RGL4: variants seen among roughly 807,000 people sequenced by gnomAD.
RGL4 encodes the protein ral-GDS-related protein.
RGL4 carries 41 observed loss-of-function variants against 49.6 expected under a neutral mutation model. The observed-to-expected ratio is 0.83, with a 90% CI of 0.64 to 1.07. RGL4 has a LOEUF of 1.07. RGL4 is among the 50% of genes least tolerant of loss of function. RGL4 has a pLI of 0.00. For synonymous variants in RGL4, 255 were observed against 238.0 expected, an observed-to-expected ratio of 1.07 and a Z score of -0.66; for missense variants, 610 against 591.9, an observed-to-expected ratio of 1.03 and a Z score of -0.32.
At chr22:23,692,279 G>C in intron 1 of RGL4, 56 bp from the exon 2 acceptor site, 1 of 1,608,578 alleles carries the variant, frequency 6.2e-7, no homozygotes, top group Non-Finnish European at 8.5e-7. Context: ...GGGTGCCCTG[G>C]AGGGTTGTGT....
rs374800672 is a variant in RGL4, at chr22:23,693,962, C to G, written c.900C>G (p.Ile300Met). Residue 300 changes from isoleucine to methionine, a missense_variant, in exon 4 of 11, where the codon ATC (isoleucine) becomes ATG (methionine). Transcript: ENST00000290691. Reference sequence around the variant, plus strand: ...GGGCCAGGGTGGTGGAGCACTGGATCAAGGTGGCCAGGGTAAGCTATGGTT... The same window carrying G: ...GGGCCAGGGTGGTGGAGCACTGGATGAAGGTGGCCAGGGTAAGCTATGGTT... The part of the protein sequence containing the change: ...RDRARVVEHW[I>M]KVARECLSLN... 6.8e-5 allele frequency: 110 copies of G among 1,613,492 alleles called. 1 individual carries two copies. The Admixed American group carries it at 1.1e-3, about 16-fold the overall frequency.
At position 23,692,502 on chromosome 22, in the gene RGL4, C is replaced by T. The variant is rs781162072; in HGVS notation, c.347C>T (p.Pro116Leu). Reference sequence around the variant, plus strand: ...ATTGTCCTAGGCCAGTTGGTGCTTCCGGAGCCCAACGAGGCCAAGCCAGAT... The same window carrying T: ...ATTGTCCTAGGCCAGTTGGTGCTTCTGGAGCCCAACGAGGCCAAGCCAGAT... ...QEIVLGQLVL[P>L]EPNEAKPDDP... The change falls in exon 2 of 11, where the codon CCG (proline) becomes CTG (leucine). Residue 116 changes from proline to leucine, a missense_variant. Pro to Leu is a moderately conservative substitution (Grantham distance 98). Transcript: ENST00000290691. The T allele has an allele frequency of 1.1e-5, 17 of 1,613,874 alleles. No homozygotes were observed. The highest frequency in any genetic ancestry group is 1.6e-4 in the Middle Eastern group (1 of 6,084).
intron 6 of RGL4, chr22:23,695,433 A>G: frequency 2.2e-6 from 1 of 461,456 alleles, no homozygotes. Flanking sequence ...TCAGGAAGCC[A>G]GGCCTCTGCT....
chr22:23,695,773 G>A (rs183748613), intron 6 of RGL4, among the ~76,000 whole-genome samples: 2 of 152,290 alleles, frequency 1.3e-5, no homozygotes, highest in East Asian at 3.9e-4. Flanking sequence ...TCTCAGAATC[G>A]TCCATGCAAA....
In RGL4 at chr22:23,697,155, C is replaced by A. The variant is rs528991295; in HGVS notation, c.1162-16C>A. ...CACCACTACCCCTCCCACCTCCCCA[C>A]CCCTCCTTGGCACAGGGTGTGGTCC... On this transcript the variant is annotated splice_polypyrimidine_tract_variant and intron_variant, in intron 7 of 10. Coordinates refer to ENST00000290691, the MANE Select transcript of RGL4 (RefSeq NM_153615.2). 13 of 1,601,464 alleles carry A rather than the reference C, an allele frequency of 8.1e-6. No homozygotes were observed. Among genetic ancestry groups the A allele is most frequent in the Non-Finnish European group, 1.1e-5 (13 of 1,170,438 alleles).
In RGL4 at chr22:23,698,949, A is replaced by G. The variant is rs747212173; in HGVS notation, c.*66A>G. On this transcript the variant is annotated 3_prime_UTR_variant, in exon 11 of 11. Coordinates refer to ENST00000290691, the MANE Select transcript of RGL4 (RefSeq NM_153615.2). Reference sequence around the variant, plus strand: ...CTGGCCAGAACACCGGCTCTGCACCATCCCTCACCCAGACCGTAGACACCA... The same window carrying G: ...CTGGCCAGAACACCGGCTCTGCACCGTCCCTCACCCAGACCGTAGACACCA... 1.0e-5 allele frequency: 16 copies of G among 1,591,732 alleles called. No homozygotes were observed. The South Asian group carries it at 1.5e-4, about 15-fold the overall frequency.
intron 6 of RGL4, among the ~76,000 whole-genome samples, chr22:23,696,022 CCT>C (rs1372519690): frequency 1.3e-5 from 2 of 152,310 alleles, no homozygotes; most frequent in South Asian, 2.1e-4. Context: ...CCTAAAATGC[CCT>C]GTCCCTTTCC....
At position 23,692,402 on chromosome 22, in the gene RGL4, C is replaced by A. The variant is rs777521506; in HGVS notation, c.247C>A (p.Arg83=). ...NTSVYYQPPQ[R]SSFRIKLAFR... ...TTCAGTTTACTATCAGCCCCCGCAACGGTCATCTTTCCGGATAAAGCTGGC... is the reference window on the plus strand; with the variant it reads ...TTCAGTTTACTATCAGCCCCCGCAAAGGTCATCTTTCCGGATAAAGCTGGC... The change falls in exon 2 of 11, where the codon CGG becomes AGG. Residue 83 remains arginine (R), a synonymous_variant. Coordinates refer to ENST00000290691, the MANE Select transcript of RGL4 (RefSeq NM_153615.2). 6.2e-7 allele frequency: 1 copy of A among 1,614,234 alleles called. No homozygotes were observed.
intron 6 of RGL4, 140 bp downstream of exon 6, chr22:23,695,159 C>A: frequency 1.6e-6 from 1 of 625,490 alleles, no homozygotes. Flanking sequence ...TTGAAAAATT[C>A]CCTCCATGCC....
Position 23,692,082 on chromosome 22 carries a change from G to C in RGL4, c.52G>C (p.Val18Leu). 1 of 1,614,124 alleles carries C rather than the reference G, an allele frequency of 6.2e-7. No homozygotes were observed. The highest frequency in any genetic ancestry group is 8.5e-7 in the Non-Finnish European group (1 of 1,179,990). The part of the protein sequence containing the change: ...LPAAAVLSAQ[V>L]YSAVLQGLWE... Reference sequence around the variant, plus strand: ...TGCAGCTGCAGTCTTGAGTGCCCAGGTGTACAGTGCTGTGCTCCAGGGCCT... The same window carrying C: ...TGCAGCTGCAGTCTTGAGTGCCCAGCTGTACAGTGCTGTGCTCCAGGGCCT... Residue 18 changes from valine to leucine, a missense_variant, in exon 1 of 11, where the codon GTG becomes CTG. Val to Leu is a conservative substitution (Grantham distance 32). Transcript: ENST00000290691.
chr22:23,693,860 C>T lies in RGL4; in HGVS notation c.798C>T (p.Thr266=), dbSNP rs778203297. ...NEHMAPTVRA[T]IAHFNRLTNC... ...ACATGGCACCCACAGTTCGTGCCAC[C>T]ATCGCACACTTCAACAGGCTCACCA... The change falls in exon 4 of 11, where the codon ACC becomes ACT. Residue 266 remains threonine, a synonymous_variant. Coordinates refer to ENST00000290691, the MANE Select transcript of RGL4 (RefSeq NM_153615.2). 2 of 1,614,048 alleles carry T rather than the reference C, an allele frequency of 1.2e-6. No individual in the cohort carries two copies. The highest frequency in any genetic ancestry group is 2.2e-5 in the South Asian group (2 of 91,086).
At position 23,696,701 on chromosome 22, in the gene RGL4, G is replaced by A. The variant is rs1455814099; in HGVS notation, c.1161+13G>A. Reference sequence around the variant, plus strand: ...GAGGCAGAAGAAGGTGAGTGAGCCTGTGGCATGGACGGGCCGCAGGGGATC... The same window carrying A: ...GAGGCAGAAGAAGGTGAGTGAGCCTATGGCATGGACGGGCCGCAGGGGATC... On this transcript the variant is annotated intron_variant, in intron 7 of 10. Transcript: ENST00000290691. The A allele has an allele frequency of 6.2e-7, 1 of 1,610,866 alleles. No individual in the cohort carries two copies. Among genetic ancestry groups the A allele is most frequent in the African/African-American group, 1.3e-5 (1 of 74,868 alleles).
At position 23,696,592 on chromosome 22, in the gene RGL4, C is replaced by A. The variant is rs562873560; in HGVS notation, c.1087-22C>A. 12 of 1,613,590 alleles carry A rather than the reference C, an allele frequency of 7.4e-6. No individual in the cohort carries two copies. The Admixed American group carries it at 1.8e-4, about 25-fold the overall frequency. On this transcript the variant is annotated intron_variant, in intron 6 of 10. Transcript: ENST00000290691. ...GGGGAGAGGAGGAGAGCCTCACTGT[C>A]CCTGTCGCTGACACCTGGCAGGCGG...
intron 10 of RGL4, 170 bp from the exon 11 acceptor site, chr22:23,698,674 A>C (rs1185832536): frequency 2.3e-6 from 2 of 869,596 alleles, no homozygotes; most frequent in Admixed American, 2.2e-5. Flanking sequence ...GGCCTAGAGG[A>C]GGCTCTCCCG....
chr22:23,692,398 G>A lies in RGL4; in HGVS notation c.243G>A (p.Pro81=), dbSNP rs141395325. 107 of 1,614,156 alleles carry A rather than the reference G, an allele frequency of 6.6e-5. No individual in the cohort carries two copies. Among genetic ancestry groups the A allele is most frequent in the Middle Eastern group, 4.9e-4 (3 of 6,062 alleles). ...PENTSVYYQP[P]QRSSFRIKLA... is the part of the protein sequence containing the mutation. ...ACACTTCAGTTTACTATCAGCCCCC[G>A]CAACGGTCATCTTTCCGGATAAAGC... Residue 81 remains proline (P), a synonymous_variant, in exon 2 of 11, where the codon CCG becomes CCA. Coordinates refer to ENST00000290691, the MANE Select transcript of RGL4 (RefSeq NM_153615.2).
rs763417499 is a variant in RGL4 at position 23,692,787 on chromosome 22, A to T, written c.492A>T (p.Pro164=). Residue 164 remains proline, a synonymous_variant, in exon 3 of 11, where the codon CCA becomes CCT. Transcript: ENST00000290691. ...LEPESPAALG[P]PGYLHSAPGP... Reference sequence around the variant, plus strand: ...CAGAGTCACCTGCAGCCCTGGGTCCACCAGGATATCTACATTCAGCACCAG... The same window carrying T: ...CAGAGTCACCTGCAGCCCTGGGTCCTCCAGGATATCTACATTCAGCACCAG... The T allele has an allele frequency of 6.3e-5, 101 of 1,613,412 alleles. No homozygotes were observed. The highest frequency in any genetic ancestry group is 7.8e-5 in the Non-Finnish European group (92 of 1,180,000).
chr22:23,696,804 T>TCCTGTGGC, intron 7 of RGL4, 116 bp downstream of exon 7: 1 of 883,098 alleles, frequency 1.1e-6, no homozygotes, highest in Non-Finnish European at 1.7e-6. Context: ...AGCCCTGTCC[T>TCCTGTGGC]CCTGTGGCCA....
chr22:23,692,642 G>A, intron 2 of RGL4, 27 bp from the exon 3 acceptor site: 1 of 1,577,634 alleles, frequency 6.3e-7, no homozygotes, highest in Non-Finnish European at 8.6e-7. Flanking sequence ...AAAATGACTG[G>A]TGTGGTGACC....
chr22:23,697,109 C>G lies in RGL4; in HGVS notation c.1162-62C>G, dbSNP rs374696144. The G allele has an allele frequency of 5.3e-5, 67 of 1,263,538 alleles. No homozygotes were observed. In the African/African-American group the frequency reaches 9.2e-4, roughly 17 times the overall value. 78.3% of individuals were successfully genotyped at this position (1,263,538 alleles called of 1,614,324 possible). ...TTCATGGGACAGGACCTTGGGCAGG[C>G]ACCTGAGGGCCAATACTCATCACCA... On this transcript the variant is annotated intron_variant, in intron 7 of 10. Coordinates refer to ENST00000290691, the MANE Select transcript of RGL4 (RefSeq NM_153615.2).
Sources: gnomAD v4.1 joint callset for allele counts (sites outside exome capture counted in the v4.1 genomes callset) on GRCh38, gnomAD v4.1.1 for gene constraint, MANE v1.5 for transcripts, NCBI Gene and HGNC (gene_info 2026-07-23, HGNC 2026-07-21) for gene names.